Variants in PRDM6 observed in about 807,000 individuals in gnomAD.
PRDM6 encodes PR/SET domain 6, also known as putative histone-lysine N-methyltransferase PRDM6.
In PRDM6, 25 loss-of-function variants were observed where a neutral mutation model predicts 60.8. The ratio of observed to expected loss-of-function variants is 0.41; its 90% CI spans 0.30 to 0.57. PRDM6 has a LOEUF of 0.57. PRDM6 is among the 20% of genes least tolerant of loss of function. PRDM6 has a pLI of 0.27. For missense variants in PRDM6, 839 were observed against 821.3 expected (o/e 1.02, Z -0.26); for synonymous variants, 407 against 357.4 (o/e 1.14, Z -1.57).
In PRDM6 at chr5:123,192,382, T is replaced by G. The variant is rs1309752973; in HGVS notation, c.*5181T>G. 6.6e-6 allele frequency: 1 copy of G among 152,220 alleles called. No individual in the cohort carries two copies. The highest frequency in any genetic ancestry group is 2.4e-5 in the African/African-American group (1 of 41,460). The allele number at this position is 152,220 out of a possible 1,614,324, so 9.4% of individuals were successfully genotyped here. ...TAAAAGAGGAAAATACTTCTCTATG[T>G]AAAGCTTTTTTTTGAGAACAAGAGC... On this transcript the variant is annotated 3_prime_UTR_variant, in exon 8 of 8. Coordinates refer to ENST00000407847, the MANE Select transcript of PRDM6 (RefSeq NM_001136239.4).
At chr5:123,182,110 G>A (rs1766179038) in intron 7 of PRDM6, among the ~76,000 whole-genome samples, 1 of 152,236 alleles carries the variant, frequency 6.6e-6, no homozygotes, top group Admixed American at 6.5e-5. Context: ...TGTGCCGCCT[G>A]AGGCTGCAAT....
intron 3 of PRDM6, among the ~76,000 whole-genome samples, chr5:123,139,971 C>T (rs1765061229): frequency 6.6e-6 from 1 of 152,234 alleles, no homozygotes; most frequent in African/African-American, 2.4e-5. Flanking sequence ...TGCTGACACA[C>T]TTGTAACCCT....
chr5:123,159,827 A>G (rs1472876451), intron 5 of PRDM6, among the ~76,000 whole-genome samples, 189 bp downstream of exon 5: 1 of 152,164 alleles, frequency 6.6e-6, no homozygotes, highest in Non-Finnish European at 1.5e-5. Flanking sequence ...CTTAACCTGT[A>G]TGGGCCAGTC....
In PRDM6 at chr5:123,090,166, AGCCGCC is replaced by A. The variant is rs563892036; in HGVS notation, c.162_167del (p.Pro58_Pro59del). On this transcript the variant is annotated inframe_deletion, in exon 2 of 8. Coordinates refer to ENST00000407847, the MANE Select transcript of PRDM6 (RefSeq NM_001136239.4). ...CTCCTGAGCGCGCCGCAGCCTCTTCAGCCGCCGCCGCCGCCCCCGCCCCCGGAGCGC... is the reference window on the plus strand; with the variant it reads ...CTCCTGAGCGCGCCGCAGCCTCTTCAGCCGCCGCCCCCGCCCCCGGAGCGC... 3 of 1,489,116 alleles carry A rather than the reference AGCCGCC, an allele frequency of 2.0e-6. No homozygotes were observed. The highest frequency in any genetic ancestry group is 2.7e-6 in the Non-Finnish European group (3 of 1,123,148). The allele number at this position is 1,489,116 out of a possible 1,614,324, so 92.2% of individuals were successfully genotyped here. A position where few individuals can be genotyped will look rare whatever the true frequency, so the allele number is the denominator to read the frequency against.
intron 3 of PRDM6, among the ~76,000 whole-genome samples, chr5:123,130,567 T>G (rs1764809109): frequency 6.6e-6 from 1 of 151,588 alleles, no homozygotes; most frequent in Non-Finnish European, 1.5e-5. Context: ...TTATTTAGTT[T>G]TTTTTTTTTC....
Position 123,099,536 on chromosome 5 carries a change from A to C in PRDM6, c.593-118A>C. The C allele has an allele frequency of 1.1e-6, 1 of 913,842 alleles. No homozygotes were observed. Among genetic ancestry groups the C allele is most frequent in the Non-Finnish European group, 1.6e-6 (1 of 639,636 alleles). 56.6% of individuals were successfully genotyped at this position (913,842 alleles called of 1,614,324 possible). On this transcript the variant is annotated intron_variant, in intron 2 of 7. Transcript: ENST00000407847. The surrounding 1 kb of genome is among the most constrained non-coding windows in gnomAD (Gnocchi z 4.0). ...GCCCCCAAGGCATCACCTTCCTCGA[A>C]GGTGGCTTACCCAGGCGGGCGGTGA...
intron 6 of PRDM6, among the ~76,000 whole-genome samples, chr5:123,179,028 C>T (rs984938319): frequency 9.9e-5 from 15 of 151,988 alleles, no homozygotes; most frequent in African/African-American, 3.4e-4. Flanking sequence ...ATTATCTGAA[C>T]AAAAATTTTG....
intron 3 of PRDM6, among the ~76,000 whole-genome samples, chr5:123,146,923 A>G (rs1231082800): frequency 8.5e-5 from 13 of 152,222 alleles, no homozygotes. Context: ...AATCTTTATA[A>G]GCCCCCAAAT....
chr5:123,177,225 C>T (rs534560097), intron 6 of PRDM6, among the ~76,000 whole-genome samples: 33 of 152,222 alleles, frequency 2.2e-4, no homozygotes, highest in Non-Finnish European at 3.8e-4. Context: ...TGATCATTTT[C>T]TTTTATTCAT....
chr5:123,134,824 G>T (rs568916767), intron 3 of PRDM6, among the ~76,000 whole-genome samples: 1 of 152,028 alleles, frequency 6.6e-6, no homozygotes, highest in Non-Finnish European at 1.5e-5. Context: ...TTACTGCTCC[G>T]AAGGCAGAGA....
In PRDM6 at chr5:123,090,179, GC is replaced by G; in HGVS notation, c.170del (p.Pro57ArgfsTer66). 3.4e-6 allele frequency: 5 copies of G among 1,484,578 alleles called. No homozygotes were observed. The highest frequency in any genetic ancestry group is 2.9e-5 in the East Asian group (1 of 33,980). The allele number at this position is 1,484,578 out of a possible 1,614,324, so 92.0% of individuals were successfully genotyped here. On this transcript the variant is annotated frameshift_variant, in exon 2 of 8. Coordinates refer to ENST00000407847, the MANE Select transcript of PRDM6 (RefSeq NM_001136239.4). LOFTEE classifies it high-confidence loss of function. ...CGCAGCCTCTTCAGCCGCCGCCGCC[GC>G]CCCCGCCCCCGGAGCGCGCTGAGCC... ...APQPLQPPPPPPPPERAEPPP... is the reference protein window; with the variant it reads ...APQPLQPPPPXPPPERAEPPP...
At position 123,099,856 on chromosome 5, in the gene PRDM6, G is replaced by A; in HGVS notation, c.795G>A (p.Ala265=). The change falls in exon 3 of 8, where the codon GCG becomes GCA. Residue 265 remains alanine, a synonymous_variant. Coordinates refer to ENST00000407847, the MANE Select transcript of PRDM6 (RefSeq NM_001136239.4). This position sits in a 1 kb window ranked among gnomAD's most constrained non-coding sequence, Gnocchi z 4.0. ...VPGLAYGICA[A]QRIQQGTWIG... is the part of the protein sequence containing the mutation. Reference sequence around the variant, plus strand: ...GCCTGGCCTACGGCATCTGCGCGGCGCAGAGGATCCAGCAAGGCACCTGGA... The same window carrying A: ...GCCTGGCCTACGGCATCTGCGCGGCACAGAGGATCCAGCAAGGCACCTGGA... 1 of 1,550,480 alleles carries A rather than the reference G, an allele frequency of 6.4e-7. No individual in the cohort carries two copies. The highest frequency in any genetic ancestry group is 8.7e-7 in the Non-Finnish European group (1 of 1,146,754).
At chr5:123,160,956 A>C (rs1765616050) in intron 5 of PRDM6, among the ~76,000 whole-genome samples, 1 of 152,184 alleles carries the variant, frequency 6.6e-6, no homozygotes, top group African/African-American at 2.4e-5. Flanking sequence ...CCTCAAACAG[A>C]ATGACTCCAT....
intron 3 of PRDM6, among the ~76,000 whole-genome samples, chr5:123,152,849 C>T (rs1005845360): frequency 3.3e-5 from 5 of 152,094 alleles, no homozygotes; most frequent in African/African-American, 4.8e-5. Context: ...TGGTAGCTTT[C>T]GGTTAATGCC....
At chr5:123,135,973 G>T (rs995499127) in intron 3 of PRDM6, among the ~76,000 whole-genome samples, 3 of 151,974 alleles carry the variant, frequency 2.0e-5, no homozygotes, top group African/African-American at 4.8e-5. Context: ...TTTTTCACTC[G>T]CACTAAAGTA....
rs912036357 is a variant in PRDM6 at position 123,099,062 on chromosome 5, C to T, written c.593-592C>T. ...GGCACCCGCGATAGACTGGCCGTCT[C>T]CCCCACCCCGCCCCGTCTGGTGATT... On this transcript the variant is annotated intron_variant, in intron 2 of 7. Coordinates refer to ENST00000407847, the MANE Select transcript of PRDM6 (RefSeq NM_001136239.4). This position sits in a 1 kb window ranked among gnomAD's most constrained non-coding sequence, Gnocchi z 4.0. Among the ~76,000 whole-genome samples, 6 of 152,182 alleles carry T rather than the reference C, an allele frequency of 3.9e-5. No homozygotes were observed. The East Asian group carries it at 5.8e-4, about 15-fold the overall frequency.
rs1765147839 is a variant in PRDM6, at chr5:123,142,970, A to AGAG, written c.901-12913_901-12911dup. 2.0e-5 allele frequency among the ~76,000 whole-genome samples: 3 copies of AGAG among 151,352 alleles called. No individual in the cohort carries two copies. In the South Asian group the frequency reaches 6.3e-4, roughly 32 times the overall value. On this transcript the variant is annotated intron_variant, in intron 3 of 7. Transcript: ENST00000407847. ...TTCTAGCTCAGGAAAGGAGGAAATG[A>AGAG]GAGTGAGATCACGTACTTCAGAGAC... is the stretch of plus-strand genomic sequence containing the variant.
intron 3 of PRDM6, among the ~76,000 whole-genome samples, chr5:123,124,790 A>G (rs1202781659): frequency 1.3e-5 from 2 of 152,190 alleles, no homozygotes; most frequent in East Asian, 1.9e-4. Context: ...CCTATGTAAG[A>G]TGTTTTTATT....
intron 7 of PRDM6, among the ~76,000 whole-genome samples, chr5:123,181,120 T>A (rs993049603): frequency 1.5e-4 from 23 of 152,266 alleles, no homozygotes; most frequent in Admixed American, 7.2e-4. Flanking sequence ...CAGTTATGTA[T>A]GTGTTCATTC....
Sources: allele counts gnomAD v4.1 joint callset (sites outside exome capture counted in the v4.1 genomes callset), GRCh38; gene constraint gnomAD v4.1.1; non-coding constraint Gnocchi (gnomAD v3.1); transcripts MANE v1.5; gene names NCBI Gene and HGNC (gene_info 2026-07-23, HGNC 2026-07-21).